Variants in UBR4 observed in about 807,000 individuals in gnomAD.
UBR4 encodes the protein ubiquitin protein ligase E3 component n-recognin 4, also known as E3 ubiquitin-protein ligase UBR4.
Under a neutral mutation model 575.6 loss-of-function variants are expected in UBR4, and 124 were observed. The observed-to-expected ratio is 0.22, with a 90% confidence interval of 0.19 to 0.25. UBR4 has a LOEUF of 0.25. Among genes scored for constraint, UBR4 ranks in the 10% least tolerant of loss-of-function variants. The probability of loss-of-function intolerance (pLI) is 1.00; values close to 1 mark genes in which losing one functional copy is unlikely to be tolerated. For missense variants in UBR4, 4,818 were observed against 6,478.8 expected (o/e 0.74, Z 8.80); for synonymous variants, 2,455 against 2,473.7 (o/e 0.99, Z 0.22).
chr1:19,109,204 C>T (rs1311852574), intron 81 of UBR4, among the ~76,000 whole-genome samples: 1 of 152,192 alleles, frequency 6.6e-6, no homozygotes, highest in African/African-American at 2.4e-5. Flanking sequence ...ACCCAAGGCC[C>T]AATCCAGGGC....
At chr1:19,199,268 AC>A (rs753393859) in intron 3 of UBR4, among the ~76,000 whole-genome samples, 3 of 152,146 alleles carry the variant, frequency 2.0e-5, no homozygotes, top group African/African-American at 4.8e-5. Context: ...TTTAGTTGGG[AC>A]CTGCAATCTT....
In UBR4 at chr1:19,156,163, G is replaced by A. The variant is rs1428808806; in HGVS notation, c.6072+108C>T. The stretch of plus-strand genomic sequence containing the variant: ...AGCTGGTACTACAGGTGAAAGTCAT[G>A]GCACCCAGCTGATTTTTTTAACTCC... On this transcript the variant is annotated intron_variant, in intron 42 of 105. Coordinates refer to ENST00000375254, the MANE Select transcript of UBR4 (RefSeq NM_020765.3). 4.1e-6 allele frequency: 6 copies of A among 1,449,004 alleles called. No homozygotes were observed. In the East Asian group the frequency reaches 1.4e-4, roughly 33 times the overall value. The allele number at this position is 1,449,004 out of a possible 1,614,324, so 89.8% of individuals were successfully genotyped here.
chr1:19,084,143 C>A (rs897395537), intron 102 of UBR4, among the ~76,000 whole-genome samples: 2 of 152,228 alleles, frequency 1.3e-5, no homozygotes, highest in African/African-American at 2.4e-5. Context: ...TGGCCTCCCC[C>A]CATTCAAGAG....
chr1:19,097,205 C>G lies in UBR4; in HGVS notation c.13378G>C (p.Asp4460His), dbSNP rs2078153906. ...DATEEFIESL[D>H]STTDEEEDEE... Reference sequence around the variant, plus strand: ...TGCCATGATCTACCTGTAGTAGAGTCCAGGGACTCAATGAACTCCTCTGTG... The same window carrying G: ...TGCCATGATCTACCTGTAGTAGAGTGCAGGGACTCAATGAACTCCTCTGTG... Residue 4460 changes from aspartate (D) to histidine (H), a missense_variant, in exon 91 of 106, where the codon GAC (aspartate) becomes CAC (histidine). This residue lies in a region of UBR4 where 165 missense variants were observed against 282.3 expected (regional missense o/e 0.58). Transcript: ENST00000375254. 11 of 1,613,372 alleles carry G rather than the reference C, an allele frequency of 6.8e-6. No individual in the cohort carries two copies. The highest frequency in any genetic ancestry group is 9.3e-6 in the Non-Finnish European group (11 of 1,179,742).
intron 61 of UBR4, 66 bp downstream of exon 61, chr1:19,128,912 G>T: frequency 7.0e-7 from 1 of 1,427,200 alleles, no homozygotes; most frequent in Non-Finnish European, 9.9e-7. Context: ...CTGGAAGAGA[G>T]ATGTGGGCAT....
At chr1:19,177,970 T>C (rs1287771227) in intron 18 of UBR4, among the ~76,000 whole-genome samples, 1 of 152,098 alleles carries the variant, frequency 6.6e-6, no homozygotes, top group South Asian at 2.1e-4. Context: ...ATCCTAACAC[T>C]TTGGGAGGTC....
At chr1:19,133,314 C>G (rs1489745694) in intron 60 of UBR4, among the ~76,000 whole-genome samples, 1 of 152,102 alleles carries the variant, frequency 6.6e-6, no homozygotes, top group Non-Finnish European at 1.5e-5. Flanking sequence ...TGATTCAATA[C>G]ATGAAACACA....
In UBR4 at chr1:19,210,147, C is replaced by T; in HGVS notation, c.102G>A (p.Arg34=). The part of the protein sequence containing the change: ...DTTPGWEVAV[R]PLLSASYSAF... ...CGGAGTAGGACGCGGACAGCAGGGG[C>T]CGCACAGCCACCTCCCAGCCCGGGG... Residue 34 remains arginine, a synonymous_variant, in exon 1 of 106, where the codon CGG becomes CGA. Coordinates refer to ENST00000375254, the MANE Select transcript of UBR4 (RefSeq NM_020765.3). 1.3e-6 allele frequency: 2 copies of T among 1,577,142 alleles called. No homozygotes were observed. The highest frequency in any genetic ancestry group is 1.7e-6 in the Non-Finnish European group (2 of 1,165,096).
intron 77 of UBR4, 141 bp from the exon 78 acceptor site, chr1:19,113,008 G>T: frequency 1.2e-6 from 1 of 833,024 alleles, no homozygotes; most frequent in Non-Finnish European, 1.8e-6. Context: ...CTGGTTAGAT[G>T]CTTTATCTCC....
rs732725 is a variant in UBR4 at position 19,088,320 on chromosome 1, A to G, written c.14431-391T>C. Among the ~76,000 whole-genome samples the G allele has an allele frequency of 0.66, 100,057 of 152,094 alleles. 33,667 individuals carry two copies. The highest frequency in any genetic ancestry group is 0.81 in the East Asian group (4,178 of 5,172). On this transcript the variant is annotated intron_variant, in intron 98 of 105. Coordinates refer to ENST00000375254, the MANE Select transcript of UBR4 (RefSeq NM_020765.3). The surrounding 1 kb of genome is among the most constrained non-coding windows in gnomAD (Gnocchi z 4.0). ...CTGACACTCAAGTCTGTGCTTTGGA[A>G]AAGGAGCTTGTAGGACTCTGCTTCC...
At chr1:19,119,980 A>G (rs568134614) in intron 69 of UBR4, among the ~76,000 whole-genome samples, 200 bp downstream of exon 69, 73 of 152,314 alleles carry the variant, frequency 4.8e-4, no homozygotes, top group African/African-American at 1.7e-3. Context: ...CTGAGTAGAA[A>G]ACAGATCGTC....
rs76362183 is a variant in UBR4 at position 19,171,927 on chromosome 1, G to A, written c.3521+937C>T. 8.7e-3 allele frequency among the ~76,000 whole-genome samples: 1,327 copies of A among 152,210 alleles called. 14 individuals are homozygous for A. Among genetic ancestry groups the A allele is most frequent in the African/African-American group, 0.03 (1,232 of 41,514 alleles). ...AAAGTCAATAAGCTTAAGAGAGCCCGGTGAAAACTGCTGCAAAGGGAACTA... is the reference window on the plus strand; with the variant it reads ...AAAGTCAATAAGCTTAAGAGAGCCCAGTGAAAACTGCTGCAAAGGGAACTA... On this transcript the variant is annotated intron_variant, in intron 25 of 105. Transcript: ENST00000375254.
chr1:19,104,322 CAA>C (rs2078959431), intron 86 of UBR4, 65 bp from the exon 87 acceptor site: 1 of 1,574,354 alleles, frequency 6.4e-7, no homozygotes, highest in African/African-American at 1.4e-5. Flanking sequence ...GTCTGTGTCT[CAA>C]AAGATTATGA....
At chr1:19,132,142 G>A (rs1224923269) in intron 60 of UBR4, among the ~76,000 whole-genome samples, 2 of 152,052 alleles carry the variant, frequency 1.3e-5, no homozygotes, top group Admixed American at 1.3e-4. Context: ...AGATTAAGAT[G>A]GAATTTTAGA....
intron 102 of UBR4, 90 bp downstream of exon 102, chr1:19,084,414 T>C: frequency 2.2e-6 from 3 of 1,362,520 alleles, no homozygotes; most frequent in Non-Finnish European, 3.0e-6. Context: ...GGAACTAGCA[T>C]GAGAGGCTAT....
At position 19,110,799 on chromosome 1, in the gene UBR4, G is replaced by A. The variant is rs1057427850; in HGVS notation, c.11835C>T (p.Asp3945=). 1 of 1,614,078 alleles carries A rather than the reference G, an allele frequency of 6.2e-7. No homozygotes were observed. Among genetic ancestry groups the A allele is most frequent in the Non-Finnish European group, 8.5e-7 (1 of 1,180,042 alleles). Residue 3945 remains aspartate (D), a synonymous_variant, in exon 79 of 106, where the codon GAC becomes GAT. Coordinates refer to ENST00000375254, the MANE Select transcript of UBR4 (RefSeq NM_020765.3). This position sits in a 1 kb window ranked among gnomAD's most constrained non-coding sequence, Gnocchi z 4.5. ...DNPEATQQMN[D]LIIGKVSTAL... is the part of the protein sequence containing the mutation. ...CTGTGGAGACCTTGCCAATAATCAG[G>A]TCATTCATCTGTTGGGTGGCTTCTG...
At chr1:19,128,774 C>T (rs1021025099) in intron 61 of UBR4, among the ~76,000 whole-genome samples, 6 of 152,192 alleles carry the variant, frequency 3.9e-5, no homozygotes, top group African/African-American at 1.4e-4. Flanking sequence ...CCTGGATGAA[C>T]TTGTGCATTT....
At chr1:19,129,204 A>C in intron 60 of UBR4, 130 bp from the exon 61 acceptor site, 1 of 690,518 alleles carries the variant, frequency 1.4e-6, no homozygotes, top group Non-Finnish European at 2.4e-6. Context: ...AACAATCTCC[A>C]GCATTAAAAA....
rs1242395565 is a variant in UBR4 at position 19,198,656 on chromosome 1, G to A, written c.533C>T (p.Ser178Leu). 2.5e-6 allele frequency: 4 copies of A among 1,614,054 alleles called. No individual in the cohort carries two copies. Among genetic ancestry groups the A allele is most frequent in the East Asian group, 4.5e-5 (2 of 44,894 alleles). Residue 178 changes from serine (S) to leucine (L), a missense_variant, in exon 5 of 106, where the codon TCA becomes TTA. Transcript: ENST00000375254. The stretch of plus-strand genomic sequence containing the variant: ...TTGCCTCAACTCAGGGCTTACTGGT[G>A]AGGCCAGCTCTTTCTGATCTTCCAC... Reference protein sequence around the residue: ...SDVEDQKELASPVSPELRQKE... With the variant: ...SDVEDQKELALPVSPELRQKE...
Sources: gnomAD v4.1 joint callset for allele counts (sites outside exome capture counted in the v4.1 genomes callset) on GRCh38, gnomAD v4.1.1 for gene constraint, gnomAD v4.1.1 regional missense constraint, Gnocchi (gnomAD v3.1) non-coding constraint, MANE v1.5 for transcripts, NCBI Gene and HGNC (gene_info 2026-07-23, HGNC 2026-07-21) for gene names.